CDK11A: variants seen among roughly 807,000 people sequenced by gnomAD.
CDK11A encodes the protein cyclin-dependent kinase 11A.
A neutral mutation model predicts 83.6 loss-of-function variants in CDK11A; 55 were observed. The observed-to-expected ratio is 0.66, with a 90% CI of 0.53 to 0.82. The LOEUF (loss-of-function observed/expected upper bound fraction) is 0.82. Ranked by LOEUF, CDK11A falls within the 40% of genes least tolerant of loss-of-function variation. The pLI, the probability that CDK11A is intolerant of heterozygous loss-of-function variation, is 0.00. For synonymous variants in CDK11A, 247 were observed against 302.7 expected (o/e 0.82, Z 1.91); for missense variants, 564 against 810.1 (o/e 0.70, Z 3.69).
At chr1:1,710,290 GC>G (rs577906515) in intron 6 of CDK11A, among the ~76,000 whole-genome samples, 141 of 7,404 alleles carry the variant, frequency 0.019, 1 homozygote, top group African/African-American at 0.035. Context: ...GTCCCCCGTT[GC>G]CCCCTTCATT....
In CDK11A at chr1:1,716,340, A is replaced by C; in HGVS notation, c.488+6T>G. 1 of 1,607,826 alleles carries C rather than the reference A, an allele frequency of 6.2e-7. No homozygotes were observed. ...ATAAAGTCCTCAACTGACCCAGCCC[A>C]CTCACCTTTCTCTCCTGGAATGCTC... is the stretch of plus-strand genomic sequence containing the variant. On this transcript the variant is annotated splice_donor_region_variant and intron_variant, in intron 5 of 19. Transcript: ENST00000404249.
At chr1:1,716,872 A>T (rs1644679639) in intron 4 of CDK11A, among the ~76,000 whole-genome samples, 1 of 141,490 alleles carries the variant, frequency 7.1e-6, no homozygotes, top group Non-Finnish European at 1.5e-5. Flanking sequence ...AATGAAATTA[A>T]ATCAAGAACA....
In CDK11A at chr1:1,708,263, C is replaced by T. The variant is rs374613981; in HGVS notation, c.1004-18G>A. 4,564 of 1,498,160 alleles carry T rather than the reference C, an allele frequency of 3.0e-3. 142 individuals are homozygous for T. The African/African-American group carries it at 0.06, about 20-fold the overall frequency. The allele number at this position is 1,498,160 out of a possible 1,614,324, so 92.8% of individuals were successfully genotyped here. On this transcript the variant is annotated intron_variant, in intron 9 of 19. Transcript: ENST00000404249. ...TACTTCTTCTGCAAGAGAAAGGAGG[C>T]GTCTGCTCAGACCAGCACCGGGGCG...
intron 11 of CDK11A, among the ~76,000 whole-genome samples, chr1:1,706,409 C>T (rs1288125600): frequency 4.6e-5 from 7 of 151,348 alleles, no homozygotes; most frequent in South Asian, 2.1e-4. Context: ...ATTAGCCAGG[C>T]ATGGTGGCTT....
At chr1:1,715,258 T>C (rs1386949405) in intron 5 of CDK11A, among the ~76,000 whole-genome samples, 2 of 126,954 alleles carry the variant, frequency 1.6e-5, no homozygotes, top group South Asian at 5.3e-4. Flanking sequence ...CCTCTGGCCT[T>C]AGCCTCCCAC....
intron 11 of CDK11A, among the ~76,000 whole-genome samples, chr1:1,707,108 C>T (rs1426799551): frequency 1.4e-5 from 2 of 143,520 alleles, no homozygotes; most frequent in South Asian, 4.6e-4. Flanking sequence ...CTCTCCAGTG[C>T]GGAGGAGGAC....
intron 4 of CDK11A, among the ~76,000 whole-genome samples, chr1:1,717,042 C>T (rs1298840712): frequency 7.2e-6 from 1 of 139,188 alleles, no homozygotes; most frequent in Non-Finnish European, 1.6e-5. Context: ...AGGCCTGGGC[C>T]ACTGCACCCA....
chr1:1,721,673 C>A lies in CDK11A; in HGVS notation c.150G>T (p.Glu50Asp), dbSNP rs372225055. 6.3e-7 allele frequency: 1 copy of A among 1,597,696 alleles called. No individual in the cohort carries two copies. Among genetic ancestry groups the A allele is most frequent in the East Asian group, 2.2e-5 (1 of 44,726 alleles). The change falls in exon 3 of 20, where the codon GAG becomes GAT. Residue 50 changes from glutamate (E) to aspartate (D), a missense_variant. Physicochemically the swap from Glu to Asp is conservative, Grantham distance 45. Transcript: ENST00000404249. ...DRDSKRDSLEEGELRDHCMEI... is the reference protein window; with the variant it reads ...DRDSKRDSLEDGELRDHCMEI... ...CCATGCAGTGATCTCTCAGCTCCCC[C>A]TCCTCAAGGGAATCCCGCTTGGAAT... is the stretch of plus-strand genomic sequence containing the variant.
intron 5 of CDK11A, among the ~76,000 whole-genome samples, chr1:1,715,614 C>A (rs1162143137): frequency 2.0e-5 from 3 of 149,964 alleles, no homozygotes; most frequent in Non-Finnish European, 3.0e-5. Context: ...GAACCAGCGC[C>A]CTCTCATCAT....
At chr1:1,704,184 C>A (rs200892746) in intron 15 of CDK11A, 38 bp from the exon 16 acceptor site, 2 of 1,607,560 alleles carry the variant, frequency 1.2e-6, no homozygotes, top group Middle Eastern at 1.9e-4. Context: ...TGGGCCTGGG[C>A]GGGTCACCCT....
Position 1,703,910 on chromosome 1 carries a change from C to G in CDK11A, c.1825G>C (p.Val609Leu). 6.2e-7 allele frequency: 1 copy of G among 1,609,786 alleles called. No individual in the cohort carries two copies. Among genetic ancestry groups the G allele is most frequent in the Non-Finnish European group, 8.5e-7 (1 of 1,176,994 alleles). ...AGCAGCTCCCCGAAGATGCAGCCCA[C>G]TGACCACATGTCCACGGCCGTGGAG... The part of the protein sequence containing the change: ...EYSTAVDMWS[V>L]GCIFGELLTQ... Residue 609 changes from valine to leucine, a missense_variant, in exon 17 of 20, where the codon GTG (valine) becomes CTG (leucine). Physicochemically the swap from Val to Leu is conservative, Grantham distance 32 (BLOSUM62 1). This residue lies in a region of CDK11A where 361 missense variants were observed against 402.7 expected (regional missense o/e 0.90). Coordinates refer to ENST00000404249, the MANE Select transcript of CDK11A (RefSeq NM_024011.4).
Position 1,724,310 on chromosome 1 carries a change from C to G in CDK11A, c.-66G>C, listed in dbSNP as rs1645021039. Reference sequence around the variant, plus strand: ...GCCTGAGAAGAAACAGCAACCGGCGCTCGCCAGAAGTATCCTCACTTCCTG... The same window carrying G: ...GCCTGAGAAGAAACAGCAACCGGCGGTCGCCAGAAGTATCCTCACTTCCTG... On this transcript the variant is annotated 5_prime_UTR_variant, in exon 1 of 20. Coordinates refer to ENST00000404249, the MANE Select transcript of CDK11A (RefSeq NM_024011.4). The G allele has an allele frequency of 6.6e-6, 1 of 151,644 alleles. No individual in the cohort carries two copies. The highest frequency in any genetic ancestry group is 2.1e-4 in the South Asian group (1 of 4,790). 9.4% of individuals were successfully genotyped at this position (151,644 alleles called of 1,614,324 possible). A position where few individuals can be genotyped will look rare whatever the true frequency, so the allele number is the denominator to read the frequency against.
rs1059822 is a variant in CDK11A at position 1,704,605 on chromosome 1, G to A, written c.1509C>T (p.Tyr503=). The A allele has an allele frequency of 0.6, 904,509 of 1,519,222 alleles. 293,281 individuals are homozygous for A. Among genetic ancestry groups the A allele is most frequent in the African/African-American group, 0.91 (65,852 of 72,584 alleles). 94.1% of individuals were successfully genotyped at this position (1,519,222 alleles called of 1,614,324 possible). Residue 503 remains tyrosine, a synonymous_variant, in exon 14 of 20, where the codon TAC becomes TAT. Transcript: ENST00000404249. ...NMDKIYIVMN[Y]VEHDLKSLME... ...TCAGGCTCTTGAGGTCGTGCTCCACGTAGTTCATCACGATGTAGATCTTGT... is the reference window on the plus strand; with the variant it reads ...TCAGGCTCTTGAGGTCGTGCTCCACATAGTTCATCACGATGTAGATCTTGT...
intron 5 of CDK11A, 68 bp downstream of exon 5, chr1:1,716,278 T>G (rs1393540119): frequency 2.6e-6 from 4 of 1,542,906 alleles, no homozygotes; most frequent in Non-Finnish European, 2.7e-6. Flanking sequence ...AAATTCTTCT[T>G]CATTGCTGTG....
Position 1,708,860 on chromosome 1 carries a change from CCTCCTCCTCCT to C in CDK11A, c.926_936del (p.Glu309GlyfsTer15). 2.7e-6 allele frequency: 1 copy of C among 369,756 alleles called. No homozygotes were observed. Among genetic ancestry groups the C allele is most frequent in the Non-Finnish European group, 4.7e-6 (1 of 214,216 alleles). 22.9% of individuals were successfully genotyped at this position (369,756 alleles called of 1,614,324 possible). ...TCCTCCTCCTCCTCTTCCTCTTCCT[CCTCCTCCTCCT>C]CTGATTCTTCACTGGTGCTCCCTTC... is the stretch of plus-strand genomic sequence containing the variant. On this transcript the variant is annotated frameshift_variant, in exon 9 of 20. Coordinates refer to ENST00000404249, the MANE Select transcript of CDK11A (RefSeq NM_024011.4). LOFTEE classifies it high-confidence loss of function.
chr1:1,719,213 A>C lies in CDK11A; in HGVS notation c.355+115T>G, dbSNP rs1190231444. On this transcript the variant is annotated intron_variant, in intron 4 of 19. Transcript: ENST00000404249. ...CGGTCTGTGACACCATTATGCTTTCAGCTACAGTTTGCTTTCTCTGGTTTT... is the reference window on the plus strand; with the variant it reads ...CGGTCTGTGACACCATTATGCTTTCCGCTACAGTTTGCTTTCTCTGGTTTT... 2.1e-6 allele frequency: 2 copies of C among 956,806 alleles called. 1 individual carries two copies. The highest frequency in any genetic ancestry group is 3.0e-6 in the Non-Finnish European group (2 of 669,840). 59.3% of individuals were successfully genotyped at this position (956,806 alleles called of 1,614,324 possible). A position where few individuals can be genotyped will look rare whatever the true frequency, so the allele number is the denominator to read the frequency against.
At chr1:1,720,499 A>G (rs1644865339) in intron 3 of CDK11A, among the ~76,000 whole-genome samples, 1 of 150,290 alleles carries the variant, frequency 6.7e-6, no homozygotes, top group Admixed American at 6.7e-5. Flanking sequence ...CCCAGGTTCG[A>G]GCAATTCTCC....
At chr1:1,708,417 G>C (rs1437719331) in intron 9 of CDK11A, among the ~76,000 whole-genome samples, 172 bp from the exon 10 acceptor site, 1 of 149,708 alleles carries the variant, frequency 6.7e-6, no homozygotes, top group Non-Finnish European at 1.5e-5. Flanking sequence ...GAGGCGGGTG[G>C]ATCACCTGAG....
chr1:1,706,604 G>A (rs1204730543), intron 11 of CDK11A, among the ~76,000 whole-genome samples: 2 of 151,340 alleles, frequency 1.3e-5, no homozygotes, highest in East Asian at 3.9e-4. Context: ...TCCCCTGCTT[G>A]TACCAGGATG....
Sources: allele counts gnomAD v4.1 joint callset (sites outside exome capture counted in the v4.1 genomes callset), GRCh38; gene constraint gnomAD v4.1.1; regional missense constraint gnomAD v4.1.1; transcripts MANE v1.5; gene names NCBI Gene and HGNC (gene_info 2026-07-23, HGNC 2026-07-21).